The following BIRC6 variants were observed in gnomAD, a reference collection of about 807,000 sequenced individuals.
BIRC6 encodes the protein baculoviral IAP repeat containing 6.
In BIRC6, 98 loss-of-function variants were observed where a neutral mutation model predicts 503.3. The observed-to-expected ratio is 0.19, with a 90% CI of 0.17 to 0.23. BIRC6 has a LOEUF of 0.23. Among genes scored for constraint, BIRC6 ranks in the 10% least tolerant of loss-of-function variants. The pLI is 1.00. For missense variants in BIRC6, 5,360 were observed against 5,806.0 expected (o/e 0.92, Z 2.50); for synonymous variants, 2,240 against 2,078.7 (o/e 1.08, Z -2.11).
chr2:32,537,242 C>G (rs1426787368), intron 61 of BIRC6, among the ~76,000 whole-genome samples: 2 of 152,136 alleles, frequency 1.3e-5, no homozygotes, highest in East Asian at 1.9e-4. Flanking sequence ...AGAAAGTTAA[C>G]AAGGATATCC....
chr2:32,426,419 A>G (rs2043497870), intron 10 of BIRC6, among the ~76,000 whole-genome samples: 1 of 152,222 alleles, frequency 6.6e-6, no homozygotes, highest in African/African-American at 2.4e-5. Flanking sequence ...CCTGGCCAAC[A>G]TGGCAAAACC....
At chr2:32,517,504 G>A (rs1163247621) in intron 55 of BIRC6, among the ~76,000 whole-genome samples, 1 of 152,184 alleles carries the variant, frequency 6.6e-6, no homozygotes, top group Non-Finnish European at 1.5e-5. Flanking sequence ...AATTTGGTTT[G>A]TGCTTCTGGG....
chr2:32,579,457 G>A (rs928871844), intron 66 of BIRC6, among the ~76,000 whole-genome samples: 1 of 152,126 alleles, frequency 6.6e-6, no homozygotes, highest in African/African-American at 2.4e-5. Context: ...GGAGGCTTAG[G>A]TGGGACGATC....
intron 46 of BIRC6, 95 bp downstream of exon 46, chr2:32,500,204 A>G: frequency 3.5e-6 from 4 of 1,147,746 alleles, no homozygotes; most frequent in Non-Finnish European, 4.9e-6. Flanking sequence ...TTTACTTTAT[A>G]GTGTAAAACT....
At chr2:32,504,550 C>T (rs1229955715) in intron 49 of BIRC6, among the ~76,000 whole-genome samples, 2 of 151,864 alleles carry the variant, frequency 1.3e-5, no homozygotes, top group Non-Finnish European at 2.9e-5. Flanking sequence ...GCCTGTAGTC[C>T]CAGCTACTCG....
At chr2:32,505,797 T>C (rs2053729932) in intron 50 of BIRC6, among the ~76,000 whole-genome samples, 1 of 152,212 alleles carries the variant, frequency 6.6e-6, no homozygotes, top group Non-Finnish European at 1.5e-5. Context: ...TTTTACAAAA[T>C]ACTATCACTT....
chr2:32,425,377 C>T (rs551868256), intron 10 of BIRC6, among the ~76,000 whole-genome samples: 3 of 150,296 alleles, frequency 2.0e-5, no homozygotes, highest in Admixed American at 1.3e-4. Flanking sequence ...ATTCATTTAA[C>T]GTTTTTGACT....
intron 35 of BIRC6, among the ~76,000 whole-genome samples, 153 bp downstream of exon 35, chr2:32,477,736 A>AG (rs2049930958): frequency 3.7e-5 from 1 of 26,722 alleles, no homozygotes; most frequent in Non-Finnish European, 8.8e-5. Context: ...CCGTCTCTAC[A>AG]AAAAAAAAAA....
chr2:32,524,530 G>A (rs1354276917), intron 57 of BIRC6, among the ~76,000 whole-genome samples: 15 of 152,094 alleles, frequency 9.9e-5, no homozygotes, highest in Admixed American at 7.9e-4. Flanking sequence ...TCTATGTTGC[G>A]AGGACTGAAT....
intron 66 of BIRC6, among the ~76,000 whole-genome samples, chr2:32,578,538 G>T (rs995359851): frequency 1.3e-5 from 2 of 152,108 alleles, no homozygotes; most frequent in Admixed American, 6.6e-5. Flanking sequence ...GCTCACGGCT[G>T]TAATCCCAGC....
intron 5 of BIRC6, among the ~76,000 whole-genome samples, chr2:32,395,185 A>G (rs2039733581): frequency 6.6e-6 from 1 of 152,062 alleles, no homozygotes; most frequent in South Asian, 2.1e-4. Context: ...ACAGAAACAA[A>G]TAGTGTAAAC....
rs1185018037 is a variant in BIRC6 at position 32,599,338 on chromosome 2, A to G, written c.13831-401A>G. Among the ~76,000 whole-genome samples, 4 of 151,686 alleles carry G rather than the reference A, an allele frequency of 2.6e-5. No homozygotes were observed. In the East Asian group the frequency reaches 5.8e-4, roughly 22 times the overall value. On this transcript the variant is annotated intron_variant, in intron 69 of 73. Transcript: ENST00000421745. ...AGTGAGACTGTCTTAAAAAAAAAAA[A>G]AAAAAGCTGTTCTTATTTTGGCCAG...
intron 69 of BIRC6, among the ~76,000 whole-genome samples, chr2:32,598,512 T>C (rs1048048767): frequency 5.3e-5 from 8 of 152,196 alleles, no homozygotes; most frequent in African/African-American, 1.9e-4. Context: ...TTATAGGTAA[T>C]ACAATAATAT....
intron 65 of BIRC6, among the ~76,000 whole-genome samples, chr2:32,569,963 G>A (rs778163905): frequency 6.6e-6 from 1 of 151,704 alleles, no homozygotes; most frequent in Admixed American, 6.6e-5. Flanking sequence ...GTACGATGTT[G>A]AATAAGAGTG....
In BIRC6 at chr2:32,549,393, C is replaced by A. The variant is rs767654158; in HGVS notation, c.13056C>A (p.Asn4352Lys). The A allele has an allele frequency of 1.3e-6, 2 of 1,519,334 alleles. No individual in the cohort carries two copies. Among genetic ancestry groups the A allele is most frequent in the South Asian group, 2.6e-5 (2 of 77,196 alleles). 94.1% of individuals were successfully genotyped at this position (1,519,334 alleles called of 1,614,324 possible). ...CATCTCATGAGACTAGAGGGCAGAA[C>A]AGTAATGCCCTTCCTTCTGTACTTC... ...AQSSHETRGQ[N>K]SNALPSVLLE... The change falls in exon 65 of 74, where the codon AAC (asparagine) becomes AAA (lysine). Residue 4352 changes from asparagine (N) to lysine (K), a missense_variant. This residue lies in a region of BIRC6 where 477 missense variants were observed against 574.4 expected (regional missense o/e 0.83). Transcript: ENST00000421745.
intron 61 of BIRC6, among the ~76,000 whole-genome samples, chr2:32,533,144 G>A (rs1181208086): frequency 2.0e-5 from 3 of 152,184 alleles, no homozygotes; most frequent in African/African-American, 7.2e-5. Context: ...AGACATACAG[G>A]TGTTTAAAGT....
At chr2:32,548,051 C>A in intron 64 of BIRC6, 37 bp downstream of exon 64, 1 of 1,483,282 alleles carries the variant, frequency 6.7e-7, no homozygotes, top group Non-Finnish European at 9.0e-7. Context: ...ATGATAATGG[C>A]TTTTTTTTTG....
chr2:32,482,349 TTGGG>T, intron 38 of BIRC6, 76 bp from the exon 39 acceptor site: 2 of 1,341,958 alleles, frequency 1.5e-6, no homozygotes, highest in Non-Finnish European at 2.0e-6. Context: ...GTAGTTCTGT[TTGGG>T]TTTAGATAAT....
chr2:32,415,314 C>A lies in BIRC6; in HGVS notation c.2023C>A (p.Gln675Lys). The A allele has an allele frequency of 6.2e-7, 1 of 1,613,988 alleles. No homozygotes were observed. Among genetic ancestry groups the A allele is most frequent in the South Asian group, 1.1e-5 (1 of 91,072 alleles). Reference protein sequence around the residue: ...PQIIEMELDSQEQLLLQDPPV... With the variant: ...PQIIEMELDSKEQLLLQDPPV... ...GATTATTGAAATGGAGCTGGATAGT[C>A]AGGAGCAGTTGTTATTGCAGGATCC... Residue 675 changes from glutamine (Q) to lysine (K), a missense_variant, in exon 10 of 74, where the codon CAG becomes AAG. This residue lies in a region of BIRC6 where 700 missense variants were observed against 739.3 expected (regional missense o/e 0.95). Coordinates refer to ENST00000421745, the MANE Select transcript of BIRC6 (RefSeq NM_016252.4).
Sources: gnomAD v4.1 joint callset for allele counts (sites outside exome capture counted in the v4.1 genomes callset) on GRCh38, gnomAD v4.1.1 for gene constraint, gnomAD v4.1.1 regional missense constraint, MANE v1.5 for transcripts, NCBI Gene and HGNC (gene_info 2026-07-23, HGNC 2026-07-21) for gene names.